Variants in NEK5 observed in about 807,000 individuals in gnomAD.
NEK5 encodes serine/threonine-protein kinase Nek5.
NEK5 carries 88 observed loss-of-function variants against 109.2 expected under a neutral mutation model. The observed-to-expected ratio is 0.81, with a 90% CI of 0.68 to 0.96. The LOEUF is 0.96. Among genes scored for constraint, NEK5 ranks in the 40% least tolerant of loss-of-function variants. The pLI, the probability that NEK5 is intolerant of heterozygous loss-of-function variation, is 0.00. For synonymous variants in NEK5, 283 were observed against 299.9 expected (o/e 0.94, Z 0.58); for missense variants, 834 against 920.7 (o/e 0.91, Z 1.22).
rs567829605 is a variant in NEK5 at position 52,055,860 on chromosome 13, C to A, written c.2111-5639G>T. On this transcript the variant is annotated intron_variant, in intron 22 of 23. Coordinates refer to ENST00000684899, the MANE Select transcript of NEK5 (RefSeq NM_001365552.1). ...GCAAAATCATGCCAAAATGTAAAGACCATCGAGACTACGAAGAAACTGCAC... is the reference window on the plus strand; with the variant it reads ...GCAAAATCATGCCAAAATGTAAAGAACATCGAGACTACGAAGAAACTGCAC... Among the ~76,000 whole-genome samples, 1,436 of 152,138 alleles carry A rather than the reference C, an allele frequency of 9.4e-3. 14 individuals carry two copies. The highest frequency in any genetic ancestry group is 0.015 in the Non-Finnish European group (1,027 of 68,006).
At chr13:52,040,365 G>A (rs978433461) in intron 23 of NEK5, among the ~76,000 whole-genome samples, 9 of 152,128 alleles carry the variant, frequency 5.9e-5, no homozygotes, top group East Asian at 1.9e-4. Flanking sequence ...GATTACAGGC[G>A]TGAGCCACTG....
intron 7 of NEK5, among the ~76,000 whole-genome samples, chr13:52,109,697 C>G (rs768571646): frequency 1.1e-4 from 17 of 152,194 alleles, no homozygotes; most frequent in Non-Finnish European, 2.4e-4. Flanking sequence ...TTCCACAACC[C>G]CTTATCTTAA....
At chr13:52,061,091 A>T (rs1954610289) in intron 22 of NEK5, among the ~76,000 whole-genome samples, 3 of 152,202 alleles carry the variant, frequency 2.0e-5, no homozygotes, top group Admixed American at 2.0e-4. Flanking sequence ...TTCTGGCACC[A>T]GGGACCAGTT....
chr13:52,069,523 G>A (rs997320471), intron 20 of NEK5, among the ~76,000 whole-genome samples: 1 of 152,158 alleles, frequency 6.6e-6, no homozygotes, highest in Admixed American at 6.5e-5. Flanking sequence ...CAGGCCTTCA[G>A]TCTTATATAG....
Position 52,108,300 on chromosome 13 carries a change from T to C in NEK5, c.554+18A>G. 6.7e-7 allele frequency: 1 copy of C among 1,497,016 alleles called. No homozygotes were observed. The highest frequency in any genetic ancestry group is 1.2e-5 in the South Asian group (1 of 85,608). 92.7% of individuals were successfully genotyped at this position (1,497,016 alleles called of 1,614,324 possible). ...TCAGATTTTACTGACACTTTCAAAC[T>C]AAGAGTCAGCAACTTACGTTTTATT... On this transcript the variant is annotated intron_variant, in intron 8 of 23. Transcript: ENST00000684899.
rs142336340 is a variant in NEK5 at position 52,065,581 on chromosome 13, C to T, written c.1878G>A (p.Val626=). The change falls in exon 21 of 24, where the codon GTG becomes GTA. Residue 626 remains valine, a synonymous_variant. Transcript: ENST00000684899. ...AGFSTQTVAA[V]GNRRQWDGGA... is the part of the protein sequence containing the mutation. ...CTCCATCCCACTGCCTCCTGTTTCC[C>T]ACAGCAGCTACAGTCTGCGTGGAAA... is the stretch of plus-strand genomic sequence containing the variant. The T allele has an allele frequency of 6.8e-5, 109 of 1,614,046 alleles. No individual in the cohort carries two copies. The African/African-American group carries it at 1.1e-3, about 16-fold the overall frequency.
intron 17 of NEK5, among the ~76,000 whole-genome samples, chr13:52,078,718 G>A (rs547057450): frequency 1.3e-5 from 2 of 152,264 alleles, no homozygotes; most frequent in East Asian, 3.9e-4. Flanking sequence ...TGGCTACACA[G>A]TTAATCAGTC....
chr13:52,063,377 C>T (rs1400699580), intron 21 of NEK5, among the ~76,000 whole-genome samples: 8 of 152,214 alleles, frequency 5.3e-5, no homozygotes, highest in Non-Finnish European at 1.0e-4. Context: ...ACTCAGTGCT[C>T]AATGGTGCCC....
At chr13:52,127,975 A>G (rs1224125436) in intron 1 of NEK5, among the ~76,000 whole-genome samples, 1 of 152,110 alleles carries the variant, frequency 6.6e-6, no homozygotes. Context: ...CTGTTTCCCC[A>G]AGATTCAGAG....
intron 4 of NEK5, among the ~76,000 whole-genome samples, chr13:52,116,950 C>T (rs1279613803): frequency 6.6e-6 from 1 of 150,970 alleles, no homozygotes; most frequent in Non-Finnish European, 1.5e-5. Context: ...CAGAGTTTCA[C>T]TCTTCTTGCC....
chr13:52,101,718 G>A (rs1006616755), intron 11 of NEK5, among the ~76,000 whole-genome samples: 6 of 152,152 alleles, frequency 3.9e-5, no homozygotes, highest in East Asian at 3.9e-4. Flanking sequence ...CCTGACTAAC[G>A]AGAAGGAACC....
intron 3 of NEK5, among the ~76,000 whole-genome samples, chr13:52,124,397 T>C (rs1294127196): frequency 2.0e-5 from 3 of 152,160 alleles, no homozygotes; most frequent in Admixed American, 2.0e-4. Flanking sequence ...GGAGAATATA[T>C]ATATTTTTCC....
At chr13:52,083,955 C>T (rs1955065829) in intron 16 of NEK5, among the ~76,000 whole-genome samples, 1 of 152,192 alleles carries the variant, frequency 6.6e-6, no homozygotes, top group Non-Finnish European at 1.5e-5. Flanking sequence ...AGAGAACAAC[C>T]TCCAGGCTGC....
chr13:52,059,644 G>A (rs1237054118), intron 22 of NEK5, among the ~76,000 whole-genome samples: 9 of 152,234 alleles, frequency 5.9e-5, no homozygotes, highest in East Asian at 5.8e-4. Context: ...ATGAGTTCAC[G>A]TCCTTTGTAG....
At chr13:52,080,576 T>C (rs1456769743) in intron 17 of NEK5, among the ~76,000 whole-genome samples, 1 of 152,246 alleles carries the variant, frequency 6.6e-6, no homozygotes, top group Non-Finnish European at 1.5e-5. Flanking sequence ...GTGATCCTGT[T>C]GATCTGTGAC....
chr13:52,080,218 G>A (rs1303407322), intron 17 of NEK5, among the ~76,000 whole-genome samples: 1 of 138,708 alleles, frequency 7.2e-6, no homozygotes, highest in Admixed American at 7.0e-5. Flanking sequence ...GGGAGGTGGG[G>A]GGGGGTCAGC....
intron 3 of NEK5, among the ~76,000 whole-genome samples, chr13:52,125,511 C>T (rs756151953): frequency 6.3e-4 from 96 of 152,242 alleles, no homozygotes; most frequent in Non-Finnish European, 1.1e-3. Context: ...TGCAGTGAGC[C>T]GAGATGGCAC....
intron 21 of NEK5, among the ~76,000 whole-genome samples, chr13:52,064,086 C>T (rs1954644534): frequency 6.9e-6 from 1 of 143,930 alleles, no homozygotes; most frequent in African/African-American, 2.6e-5. Flanking sequence ...GCCACCCCAT[C>T]CGGGAGGTGA....
chr13:52,086,549 CTT>C, intron 15 of NEK5, among the ~76,000 whole-genome samples, 186 bp from the exon 16 acceptor site: 1 of 152,212 alleles, frequency 6.6e-6, no homozygotes, highest in Non-Finnish European at 1.5e-5. Flanking sequence ...GAGACAGTGG[CTT>C]TAGCTACAGA....
Sources: allele counts gnomAD v4.1 joint callset (sites outside exome capture counted in the v4.1 genomes callset), GRCh38; gene constraint gnomAD v4.1.1; transcripts MANE v1.5; gene names NCBI Gene and HGNC (gene_info 2026-07-23, HGNC 2026-07-21).